Variants in NCALD observed in about 807,000 individuals in gnomAD.
The protein encoded by NCALD is neurocalcin-delta.
NCALD carries 10 observed loss-of-function variants against 18.6 expected under a neutral mutation model. The ratio of observed to expected loss-of-function variants is 0.54; its 90% CI spans 0.33 to 0.91. NCALD has a LOEUF of 0.91. Among genes scored for constraint, NCALD ranks in the 40% least tolerant of loss-of-function variants. NCALD has a pLI of 0.03. For missense variants in NCALD, 184 were observed against 247.6 expected, an observed-to-expected ratio of 0.74 and a Z score of 1.72; for synonymous variants, 88 against 87.4, an observed-to-expected ratio of 1.01 and a Z score of -0.04.
intron 1 of NCALD, among the ~76,000 whole-genome samples, chr8:102,106,061 T>C (rs376500166): frequency 6.6e-6 from 1 of 151,702 alleles, no homozygotes; most frequent in African/African-American, 2.4e-5. Flanking sequence ...AGAGGGCACA[T>C]CTAGAACAAC....
intron 4 of NCALD, among the ~76,000 whole-genome samples, chr8:101,814,121 A>G (rs1813407861): frequency 1.3e-5 from 2 of 152,118 alleles, no homozygotes; most frequent in Admixed American, 1.3e-4. Flanking sequence ...GATCTCATTC[A>G]GAGTACAGAA....
At chr8:101,872,520 C>T (rs939730328) in intron 4 of NCALD, 11 of 720,372 alleles carry the variant, frequency 1.5e-5, no homozygotes, top group Non-Finnish European at 2.8e-5. Context: ...AGATGTCATT[C>T]CACTCAGTGT....
At chr8:102,040,895 C>T (rs1823028410) in intron 1 of NCALD, among the ~76,000 whole-genome samples, 1 of 152,154 alleles carries the variant, frequency 6.6e-6, no homozygotes, top group Admixed American at 6.5e-5. Flanking sequence ...GCCAGGGTTG[C>T]TGTGGTCTGA....
At chr8:102,103,516 C>T (rs1825354008) in intron 1 of NCALD, among the ~76,000 whole-genome samples, 1 of 152,178 alleles carries the variant, frequency 6.6e-6, no homozygotes, top group South Asian at 2.1e-4. Context: ...CAGTCAGACC[C>T]TAGAGCCCAT....
intron 4 of NCALD, among the ~76,000 whole-genome samples, chr8:101,834,462 C>G (rs1182491878): frequency 2.0e-5 from 3 of 152,336 alleles, no homozygotes; most frequent in African/African-American, 7.2e-5. Context: ...ACCGGATGGG[C>G]CTTCAGTTTC....
At chr8:102,059,355 G>C (rs547683275) in intron 1 of NCALD, among the ~76,000 whole-genome samples, 4 of 152,176 alleles carry the variant, frequency 2.6e-5, no homozygotes, top group Non-Finnish European at 5.9e-5. Flanking sequence ...GTTATAAACA[G>C]AACTCCATCA....
intron 2 of NCALD, among the ~76,000 whole-genome samples, chr8:101,959,061 G>A (rs952356691): frequency 2.0e-5 from 3 of 152,078 alleles, no homozygotes; most frequent in Non-Finnish European, 2.9e-5. Flanking sequence ...CCCCATTTAT[G>A]TTCATCCACT....
At chr8:101,765,541 A>G (rs1481583530) in intron 1 of NCALD, among the ~76,000 whole-genome samples, 1 of 152,226 alleles carries the variant, frequency 6.6e-6, no homozygotes, top group East Asian at 1.9e-4. Context: ...TTCTTGGTGA[A>G]AAGTAAGATG....
intron 1 of NCALD, among the ~76,000 whole-genome samples, chr8:102,054,697 GATAGATAGATAGATAGATAGATATCCT>G (rs1823579707): frequency 8.5e-6 from 1 of 117,660 alleles, no homozygotes; most frequent in Non-Finnish European, 1.9e-5. Flanking sequence ...TAGATAGATA[GATAGATAGATAGATAGATAGATATCCT>G]ATAGATAGAT....
At chr8:101,724,369 C>A (rs16868236) in intron 1 of NCALD, among the ~76,000 whole-genome samples, 6,907 of 152,246 alleles carry the variant, frequency 0.045, 509 homozygotes, top group African/African-American at 0.16. Context: ...GGAACTATGA[C>A]ACGTTGGCCT....
intron 3 of NCALD, chr8:101,690,770 G>A: frequency 1.0e-6 from 1 of 985,356 alleles, no homozygotes; most frequent in Admixed American, 6.1e-5. Flanking sequence ...TATGAGCCCA[G>A]CCCTGCCCAC....
chr8:101,800,705 C>G (rs1223074765), intron 4 of NCALD, among the ~76,000 whole-genome samples: 1 of 151,090 alleles, frequency 6.6e-6, no homozygotes, highest in Non-Finnish European at 1.5e-5. Flanking sequence ...ACAAACTCTA[C>G]CAAGACAAAG....
At chr8:101,778,780 A>C (rs1347948103) in intron 1 of NCALD, among the ~76,000 whole-genome samples, 1 of 152,174 alleles carries the variant, frequency 6.6e-6, no homozygotes, top group East Asian at 1.9e-4. Context: ...CTAGAGGAGA[A>C]AACAAAGAAA....
chr8:102,067,485 A>T (rs1289647460), intron 1 of NCALD, among the ~76,000 whole-genome samples: 3 of 152,134 alleles, frequency 2.0e-5, no homozygotes, highest in African/African-American at 4.8e-5. Context: ...AACTGTCCTT[A>T]TATGACCTTG....
At chr8:101,834,633 C>T (rs1339979038) in intron 4 of NCALD, among the ~76,000 whole-genome samples, 2 of 152,190 alleles carry the variant, frequency 1.3e-5, no homozygotes, top group Non-Finnish European at 2.9e-5. Flanking sequence ...CCAGGTAGCA[C>T]ATGTAGAAGT....
chr8:102,008,795 G>A (rs187010796), intron 2 of NCALD, among the ~76,000 whole-genome samples: 2 of 152,106 alleles, frequency 1.3e-5, no homozygotes, highest in African/African-American at 2.4e-5. Context: ...GCTTCTTTGG[G>A]TCTTCATTTC....
At chr8:101,742,602 G>A (rs549385165) in intron 1 of NCALD, among the ~76,000 whole-genome samples, 43 of 152,104 alleles carry the variant, frequency 2.8e-4, no homozygotes, top group South Asian at 2.1e-3. Context: ...TTTTTGTTTC[G>A]TAGCAAAAAA....
intron 4 of NCALD, chr8:101,847,372 T>C (rs1286489977): frequency 3.2e-5 from 7 of 217,746 alleles, no homozygotes; most frequent in Non-Finnish European, 3.9e-5. Flanking sequence ...GCCCTTCCCT[T>C]CTTCTTTAGT....
intron 4 of NCALD, among the ~76,000 whole-genome samples, chr8:101,826,985 A>G (rs1813963680): frequency 1.3e-5 from 2 of 152,240 alleles, no homozygotes; most frequent in South Asian, 4.1e-4. Context: ...GGCTGCTGTA[A>G]CAATATTACC....
Sources: allele counts gnomAD v4.1 joint callset (sites outside exome capture counted in the v4.1 genomes callset), GRCh38; gene constraint gnomAD v4.1.1; transcripts MANE v1.5; gene names NCBI Gene and HGNC (gene_info 2026-07-23, HGNC 2026-07-21).